The following DMXL1 variants were observed in gnomAD, a reference collection of about 807,000 sequenced individuals.
DMXL1 encodes Dmx like 1, also known as dmX-like protein 1.
DMXL1 carries 99 observed loss-of-function variants against 319.2 expected under a neutral mutation model. The ratio of observed to expected loss-of-function variants is 0.31; its 90% confidence interval spans 0.26 to 0.37. DMXL1 has a LOEUF of 0.37. Ranked by LOEUF, DMXL1 falls within the 10% of genes least tolerant of loss-of-function variation. The pLI is 1.00. For synonymous variants in DMXL1, 1,385 were observed against 1,235.2 expected, an observed-to-expected ratio of 1.12 and a Z score of -2.54; for missense variants, 3,745 against 3,595.6, an observed-to-expected ratio of 1.04 and a Z score of -1.06.
At chr5:119,231,920 T>G (rs1786805115) in intron 38 of DMXL1, among the ~76,000 whole-genome samples, 1 of 152,192 alleles carries the variant, frequency 6.6e-6, no homozygotes, top group Non-Finnish European at 1.5e-5. Flanking sequence ...CGTATAGGCA[T>G]GCAAGGCCCT....
At chr5:119,200,184 T>A (rs1035076180) in intron 32 of DMXL1, among the ~76,000 whole-genome samples, 19 of 152,314 alleles carry the variant, frequency 1.2e-4, no homozygotes, top group African/African-American at 4.6e-4. Context: ...CTAGGTTGTT[T>A]GCTAAAATTT....
At chr5:119,202,574 A>ATTT (rs1164730114) in intron 32 of DMXL1, among the ~76,000 whole-genome samples, 3 of 151,958 alleles carry the variant, frequency 2.0e-5, no homozygotes, top group African/African-American at 7.3e-5. Context: ...TAAAAATATA[A>ATTT]TTTCTCACCT....
chr5:119,084,948 A>G (rs138044432), intron 1 of DMXL1, among the ~76,000 whole-genome samples: 128 of 152,106 alleles, frequency 8.4e-4, no homozygotes, highest in African/African-American at 3.0e-3. Context: ...TGAGCATGGA[A>G]TATCTTTCCA....
chr5:119,153,658 G>T (rs1770338577), intron 19 of DMXL1, among the ~76,000 whole-genome samples: 1 of 152,154 alleles, frequency 6.6e-6, no homozygotes, highest in South Asian at 2.1e-4. Flanking sequence ...ACAGATAAGT[G>T]AGATCATGCA....
intron 38 of DMXL1, 69 bp from the exon 39 acceptor site, chr5:119,233,271 G>A (rs1021299241): frequency 1.3e-5 from 20 of 1,504,914 alleles, no homozygotes; most frequent in Middle Eastern, 3.4e-4. Flanking sequence ...TTTTCACATA[G>A]GATAAAGAAA....
At chr5:119,198,839 C>G (rs532560630) in intron 32 of DMXL1, among the ~76,000 whole-genome samples, 1 of 152,262 alleles carries the variant, frequency 6.6e-6, no homozygotes, top group East Asian at 1.9e-4. Context: ...AGGATTTGTT[C>G]TACAAATTAT....
chr5:119,135,680 A>C (rs1765826579), intron 13 of DMXL1, among the ~76,000 whole-genome samples: 1 of 152,156 alleles, frequency 6.6e-6, no homozygotes. Context: ...AGATCTGATG[A>C]TCTTAAAAGT....
At chr5:119,091,362 C>T (rs1286764596) in intron 1 of DMXL1, among the ~76,000 whole-genome samples, 2 of 152,076 alleles carry the variant, frequency 1.3e-5, no homozygotes, top group Non-Finnish European at 2.9e-5. Flanking sequence ...CATGCCACCA[C>T]ACCCAGCTAA....
chr5:119,106,421 A>G (rs1177952261), intron 4 of DMXL1, among the ~76,000 whole-genome samples: 2 of 152,168 alleles, frequency 1.3e-5, no homozygotes, highest in Non-Finnish European at 2.9e-5. Flanking sequence ...ATTGGGAGCC[A>G]TTTTTACCAT....
At chr5:119,091,935 A>G (rs894674283) in intron 1 of DMXL1, among the ~76,000 whole-genome samples, 2 of 152,160 alleles carry the variant, frequency 1.3e-5, no homozygotes, top group Non-Finnish European at 2.9e-5. Flanking sequence ...CCTCAGAGAT[A>G]TTTCTTTAGG....
intron 13 of DMXL1, among the ~76,000 whole-genome samples, chr5:119,140,934 G>C (rs1580972091): frequency 6.6e-6 from 1 of 152,140 alleles, no homozygotes; most frequent in South Asian, 2.1e-4. Context: ...TAATTCCCGG[G>C]ATGCAAGTTT....
At chr5:119,239,205 C>T (rs1390055761) in intron 41 of DMXL1, 125 bp downstream of exon 41, 1 of 1,059,140 alleles carries the variant, frequency 9.4e-7, no homozygotes, top group South Asian at 1.6e-5. Flanking sequence ...ATTCTAAAAA[C>T]TATTATTTAT....
At chr5:119,098,709 TA>T (rs1756547935) in intron 2 of DMXL1, among the ~76,000 whole-genome samples, 1 of 152,222 alleles carries the variant, frequency 6.6e-6, no homozygotes. Context: ...ACAGTTCCTG[TA>T]GTACCAGAAT....
At chr5:119,158,194 A>G (rs1011239868) in intron 19 of DMXL1, among the ~76,000 whole-genome samples, 23 of 147,248 alleles carry the variant, frequency 1.6e-4, no homozygotes, top group African/African-American at 3.8e-4. Context: ...CCTGGCCGAT[A>G]TATTTCTAAG....
chr5:119,155,771 G>A (rs963244166), intron 19 of DMXL1, among the ~76,000 whole-genome samples: 1 of 147,198 alleles, frequency 6.8e-6, no homozygotes, highest in South Asian at 2.2e-4. Context: ...AGACTGCAAC[G>A]AGCTATGATC....
chr5:119,151,664 CATTTT>C (rs897779424), intron 18 of DMXL1, among the ~76,000 whole-genome samples: 2 of 152,084 alleles, frequency 1.3e-5, no homozygotes, highest in African/African-American at 2.4e-5. Context: ...AAATCAGTCA[CATTTT>C]AATTTAAATA....
At chr5:119,075,461 A>G (rs1331187371) in intron 1 of DMXL1, among the ~76,000 whole-genome samples, 1 of 149,088 alleles carries the variant, frequency 6.7e-6, no homozygotes, top group Non-Finnish European at 1.5e-5. Flanking sequence ...CTGGTCTTGA[A>G]CTCCTCACCT....
chr5:119,133,684 G>C lies in DMXL1; in HGVS notation c.1760G>C (p.Ser587Thr), dbSNP rs1765409243. ...ISSGHNKSSN[S>T]LKLSIFTPNV... ...TCTGGTCACAATAAATCATCTAATA[G>C]TTTAAAATTAAGTATTTTTACGCCT... Residue 587 changes from serine (S) to threonine (T), a missense_variant, in exon 12 of 44, where the codon AGT becomes ACT. Transcript: ENST00000539542. 6.2e-7 allele frequency: 1 copy of C among 1,614,010 alleles called. No homozygotes were observed.
chr5:119,124,847 G>A (rs1041360909), intron 9 of DMXL1, among the ~76,000 whole-genome samples: 1 of 152,106 alleles, frequency 6.6e-6, no homozygotes, highest in East Asian at 1.9e-4. Context: ...GATTACAGGC[G>A]TGAGTCACTG....
Sources: gnomAD v4.1 joint callset for allele counts (sites outside exome capture counted in the v4.1 genomes callset) on GRCh38, gnomAD v4.1.1 for gene constraint, MANE v1.5 for transcripts, NCBI Gene and HGNC (gene_info 2026-07-23, HGNC 2026-07-21) for gene names.